The following CR1 variants were observed in gnomAD, a reference collection of about 807,000 sequenced individuals.
The protein encoded by CR1 is complement receptor type 1.
CR1 carries 116 observed loss-of-function variants against 187.3 expected under a neutral mutation model. The observed-to-expected ratio is 0.62, with a 90% CI of 0.53 to 0.72. The LOEUF (loss-of-function observed/expected upper bound fraction) is 0.72, where lower values mean the gene tolerates loss of function less well. CR1 is among the 30% of genes least tolerant of loss of function. CR1 has a pLI of 0.00. For synonymous variants in CR1, 576 were observed against 747.1 expected (o/e 0.77, Z 3.73); for missense variants, 1,731 against 2,110.7 (o/e 0.82, Z 3.52).
intron 46 of CR1, among the ~76,000 whole-genome samples, chr1:207,636,260 C>T (rs74339934): frequency 1.2e-3 from 167 of 141,214 alleles, no homozygotes; most frequent in South Asian, 1.9e-3. Context: ...TTAAGATTTG[C>T]GAGGCCATCA....
intron 1 of CR1, among the ~76,000 whole-genome samples, chr1:207,499,439 A>G (rs1659197011): frequency 6.6e-6 from 1 of 152,230 alleles, no homozygotes; most frequent in African/African-American, 2.4e-5. Context: ...CTGATATCAG[A>G]AAAGGTGCTG....
rs1249004853 is a variant in CR1, at chr1:207,564,538, G to A, written c.3866+304G>A. 3.3e-5 allele frequency among the ~76,000 whole-genome samples: 5 copies of A among 150,274 alleles called. 1 individual carries two copies. Among genetic ancestry groups the A allele is most frequent in the African/African-American group, 1.0e-4 (4 of 39,676 alleles). ...ATATCAGCCAGGCACGGTGGCTCAC[G>A]TGTGTAATCCCAGCACCTTTGGGAG... is the stretch of plus-strand genomic sequence containing the variant. On this transcript the variant is annotated intron_variant, in intron 23 of 46. Coordinates refer to ENST00000367049, the MANE Select transcript of CR1 (RefSeq NM_000651.6).
intron 1 of CR1, among the ~76,000 whole-genome samples, chr1:207,500,483 G>A (rs1458087196): frequency 6.6e-6 from 1 of 152,122 alleles, no homozygotes; most frequent in African/African-American, 2.4e-5. Flanking sequence ...TGTGCATATA[G>A]CACAGAATAC....
At chr1:207,617,092 C>T (rs551567500) in intron 41 of CR1, among the ~76,000 whole-genome samples, 1 of 152,100 alleles carries the variant, frequency 6.6e-6, no homozygotes, top group East Asian at 1.9e-4. Context: ...GGAATGTTTT[C>T]AAAGTACTGA....
intron 4 of CR1, among the ~76,000 whole-genome samples, chr1:207,518,806 G>A (rs1249387217): frequency 6.6e-6 from 1 of 152,174 alleles, no homozygotes; most frequent in Non-Finnish European, 1.5e-5. Context: ...GTCACAGCTC[G>A]AGATCATTAA....
intron 4 of CR1, among the ~76,000 whole-genome samples, chr1:207,522,862 A>G (rs1660039389): frequency 6.6e-6 from 1 of 152,206 alleles, no homozygotes; most frequent in Non-Finnish European, 1.5e-5. Context: ...TCTAGTTTAT[A>G]GCAACACAGT....
chr1:207,608,752 G>C (rs886402606), intron 36 of CR1, among the ~76,000 whole-genome samples: 1 of 152,074 alleles, frequency 6.6e-6, no homozygotes, highest in African/African-American at 2.4e-5. Flanking sequence ...AGTCAATACT[G>C]GTTATGTGTG....
chr1:207,600,289 T>C (rs539839006), intron 35 of CR1, among the ~76,000 whole-genome samples: 2 of 152,246 alleles, frequency 1.3e-5, no homozygotes, highest in South Asian at 2.1e-4. Flanking sequence ...AAAATACAAA[T>C]TGGCAAAATA....
chr1:207,615,365 G>T (rs1430091181), intron 40 of CR1, among the ~76,000 whole-genome samples: 6 of 152,188 alleles, frequency 3.9e-5, no homozygotes. Flanking sequence ...TAAAATGGTA[G>T]TTAAATAGGG....
rs146709733 is a variant in CR1, at chr1:207,592,070, G to A, written c.5810+3296G>A. Among the ~76,000 whole-genome samples, 1,356 of 152,256 alleles carry A rather than the reference G, an allele frequency of 8.9e-3. 12 individuals are homozygous for A. Among genetic ancestry groups the A allele is most frequent in the African/African-American group, 0.031 (1,300 of 41,540 alleles). On this transcript the variant is annotated intron_variant, in intron 35 of 46. Coordinates refer to ENST00000367049, the MANE Select transcript of CR1 (RefSeq NM_000651.6). ...AACTATTCCAAACAATAGAAAAAGA[G>A]GGACTCCTCCCTAACTCATTTTATG...
At chr1:207,578,339 A>G (rs1418704570) in intron 29 of CR1, 136 bp downstream of exon 29, 1 of 1,537,852 alleles carries the variant, frequency 6.5e-7, no homozygotes, top group African/African-American at 1.4e-5. Flanking sequence ...AGAAGCATGA[A>G]ATTAAGAATT....
At chr1:207,591,666 G>A (rs548308098) in intron 35 of CR1, among the ~76,000 whole-genome samples, 1 of 152,120 alleles carries the variant, frequency 6.6e-6, no homozygotes, top group South Asian at 2.1e-4. Flanking sequence ...CCAGGAGCTG[G>A]TTTTTTGAAA....
intron 4 of CR1, among the ~76,000 whole-genome samples, chr1:207,512,033 A>G (rs766068380): frequency 8.6e-5 from 12 of 138,888 alleles, no homozygotes; most frequent in South Asian, 4.6e-4. Context: ...CTGGACTCTC[A>G]TGTACCACGA....
intron 1 of CR1, among the ~76,000 whole-genome samples, chr1:207,499,022 A>G (rs572139585): frequency 6.6e-6 from 1 of 152,256 alleles, no homozygotes; most frequent in African/African-American, 2.4e-5. Context: ...AACTATATCA[A>G]CAATCATTTT....
At chr1:207,625,370 A>G (rs1662448650) in intron 45 of CR1, among the ~76,000 whole-genome samples, 1 of 152,224 alleles carries the variant, frequency 6.6e-6, no homozygotes, top group Non-Finnish European at 1.5e-5. Context: ...AAGGTCAGGG[A>G]TGTAAACCTC....
Position 207,575,657 on chromosome 1 carries a change from G to A in CR1, c.4514G>A (p.Ser1505Asn), listed in dbSNP as rs777411818. 81 of 1,611,702 alleles carry A rather than the reference G, an allele frequency of 5.0e-5. No homozygotes were observed. The highest frequency in any genetic ancestry group is 4.8e-4 in the South Asian group (44 of 90,992). The change falls in exon 28 of 47, where the codon AGC becomes AAC. Residue 1505 changes from serine to asparagine, a missense_variant. Around this residue, in one of 5 missense-constraint regions of CR1, gnomAD observed 1,312 missense variants for 1,379.6 expected, o/e 0.95. Transcript: ENST00000367049. ...CILSGNTAHWSTKPPICQRIP... is the reference protein window; with the variant it reads ...CILSGNTAHWNTKPPICQRIP... ...CTCTCAGGCAATACTGCCCATTGGAGCACGAAGCCGCCAATTTGTCAACGT... is the reference window on the plus strand; with the variant it reads ...CTCTCAGGCAATACTGCCCATTGGAACACGAAGCCGCCAATTTGTCAACGT...
intron 41 of CR1, among the ~76,000 whole-genome samples, chr1:207,617,632 G>T (rs1175982110): frequency 1.6e-3 from 93 of 59,226 alleles, no homozygotes; most frequent in African/African-American, 5.0e-3. Flanking sequence ...GAGAGAGAGA[G>T]AGAGAGAGAG....
At position 207,580,486 on chromosome 1, in the gene CR1, CTTTTTTT is replaced by C. The variant is rs75072508; in HGVS notation, c.5114-17_5114-11del. The C allele has an allele frequency of 2.0e-5, 27 of 1,378,738 alleles. No homozygotes were observed. The African/African-American group carries it at 3.0e-4, about 15-fold the overall frequency. The allele number at this position is 1,378,738 out of a possible 1,614,324, so 85.4% of individuals were successfully genotyped here. A position where few individuals can be genotyped will look rare whatever the true frequency, so the allele number is the denominator to read the frequency against. ...CATGGAGGTCTTACTCCTATTTTTT[CTTTTTTT>C]TTTTTTTCTTCTTCTAGTGAAATCC... On this transcript the variant is annotated intron_variant, in intron 30 of 46. Transcript: ENST00000367049.
At chr1:207,633,544 C>T (rs1047432162) in intron 46 of CR1, among the ~76,000 whole-genome samples, 3 of 152,180 alleles carry the variant, frequency 2.0e-5, no homozygotes, top group African/African-American at 7.2e-5. Context: ...AACTCTATTG[C>T]ATTCATGTAG....
Sources: allele counts gnomAD v4.1 joint callset (sites outside exome capture counted in the v4.1 genomes callset), GRCh38; gene constraint gnomAD v4.1.1; regional missense constraint gnomAD v4.1.1; transcripts MANE v1.5; gene names NCBI Gene and HGNC (gene_info 2026-07-23, HGNC 2026-07-21).